SRRM4: variants seen among roughly 807,000 people sequenced by gnomAD.
The protein encoded by SRRM4 is serine/arginine repetitive matrix 4, also known as serine/arginine repetitive matrix protein 4.
A neutral mutation model predicts 68.9 loss-of-function variants in SRRM4; 33 were observed. That is an observed-to-expected ratio of 0.48 (90% CI 0.36 to 0.64). The LOEUF (loss-of-function observed/expected upper bound fraction) is 0.64. Ranked by LOEUF, SRRM4 falls within the 30% of genes least tolerant of loss-of-function variation. The pLI is 0.00. For missense variants in SRRM4, 817 were observed against 827.1 expected, an observed-to-expected ratio of 0.99 and a Z score of 0.15; for synonymous variants, 318 against 318.8, an observed-to-expected ratio of 1.00 and a Z score of 0.03.
At chr12:119,057,015 C>T in intron 1 of SRRM4, among the ~76,000 whole-genome samples, 1 of 152,108 alleles carries the variant, frequency 6.6e-6, no homozygotes, top group East Asian at 1.9e-4. Context: ...CAACATTACT[C>T]CCATTCAACA....
chr12:119,098,111 C>T (rs1281117196), intron 1 of SRRM4, among the ~76,000 whole-genome samples: 1 of 152,164 alleles, frequency 6.6e-6, no homozygotes, highest in Non-Finnish European at 1.5e-5. Context: ...AAGCCAGCCG[C>T]CATGTTGTGA....
chr12:119,043,363 G>A (rs1259088643), intron 1 of SRRM4, among the ~76,000 whole-genome samples: 1 of 151,866 alleles, frequency 6.6e-6, no homozygotes, highest in Non-Finnish European at 1.5e-5. Context: ...CACAGGGAGG[G>A]GAACAGGGGA....
At chr12:119,032,331 T>A (rs1953597362) in intron 1 of SRRM4, among the ~76,000 whole-genome samples, 1 of 152,150 alleles carries the variant, frequency 6.6e-6, no homozygotes. Flanking sequence ...CAGTAGTGAG[T>A]GTCTTTTTCA....
intron 1 of SRRM4, among the ~76,000 whole-genome samples, chr12:119,010,725 A>C (rs926353739): frequency 2.3e-4 from 35 of 152,240 alleles, no homozygotes; most frequent in African/African-American, 8.4e-4. Flanking sequence ...AGGTGAGTTC[A>C]AGAGTGTTTA....
At chr12:119,122,803 G>A (rs1370365486) in intron 6 of SRRM4, among the ~76,000 whole-genome samples, 5 of 152,134 alleles carry the variant, frequency 3.3e-5, no homozygotes, top group Non-Finnish European at 7.4e-5. Context: ...GGTCATGGGG[G>A]TGTGAGCACA....
intron 1 of SRRM4, among the ~76,000 whole-genome samples, chr12:119,080,090 G>A (rs1953939067): frequency 6.6e-6 from 1 of 151,990 alleles, no homozygotes; most frequent in Non-Finnish European, 1.5e-5. Context: ...GAAAACGTGG[G>A]GTGTCATCCT....
intron 1 of SRRM4, among the ~76,000 whole-genome samples, chr12:119,071,507 C>T (rs1953877578): frequency 6.6e-6 from 1 of 152,108 alleles, no homozygotes; most frequent in African/African-American, 2.4e-5. Context: ...AATTTTTTTG[C>T]AACATTTTAG....
chr12:119,084,982 C>T (rs577201557), intron 1 of SRRM4, among the ~76,000 whole-genome samples: 1 of 152,310 alleles, frequency 6.6e-6, no homozygotes, highest in African/African-American at 2.4e-5. Flanking sequence ...CTCACTGCAA[C>T]CTTCGCCTCC....
chr12:119,020,008 C>G (rs572466984), intron 1 of SRRM4, among the ~76,000 whole-genome samples: 1 of 140,620 alleles, frequency 7.1e-6, no homozygotes, highest in African/African-American at 2.6e-5. Flanking sequence ...GCTGCTTAAC[C>G]GTACAGCACC....
At chr12:119,044,993 C>T (rs1225804581) in intron 1 of SRRM4, among the ~76,000 whole-genome samples, 1 of 152,152 alleles carries the variant, frequency 6.6e-6, no homozygotes, top group Non-Finnish European at 1.5e-5. Flanking sequence ...TGAAATGCAG[C>T]TAATTCCTAC....
intron 2 of SRRM4, among the ~76,000 whole-genome samples, chr12:119,104,812 C>CTT (rs570610139): frequency 6.7e-6 from 1 of 148,704 alleles, no homozygotes; most frequent in Non-Finnish European, 1.5e-5. Context: ...TTAACCACTG[C>CTT]TTTTTTTTTT....
intron 2 of SRRM4, among the ~76,000 whole-genome samples, chr12:119,107,307 T>C (rs1186292518): frequency 6.6e-6 from 1 of 152,188 alleles, no homozygotes; most frequent in African/African-American, 2.4e-5. Context: ...CTGCCAGGCT[T>C]TGGTATCAGG....
intron 1 of SRRM4, among the ~76,000 whole-genome samples, chr12:119,015,514 C>G (rs879797528): frequency 6.6e-6 from 1 of 152,138 alleles, no homozygotes; most frequent in African/African-American, 2.4e-5. Flanking sequence ...CCCTACTTTC[C>G]TTCCTCTTTT....
chr12:119,114,316 C>T lies in SRRM4; in HGVS notation c.317C>T (p.Ser106Phe). ...HDKDLTPPPS[S>F]RGKKKKKKST... ...AAAGACTTGACACCACCACCTTCCTCCAGGGGAAAGAAGAAAAAGAAGAAA... is the reference window on the plus strand; with the variant it reads ...AAAGACTTGACACCACCACCTTCCTTCAGGGGAAAGAAGAAAAAGAAGAAA... Residue 106 changes from serine (S) to phenylalanine (F), a missense_variant, in exon 3 of 13, where the codon TCC becomes TTC. Ser to Phe is a radical substitution (Grantham distance 155). Coordinates refer to ENST00000267260, the MANE Select transcript of SRRM4 (RefSeq NM_194286.4). The T allele has an allele frequency of 6.2e-7, 1 of 1,612,340 alleles. No individual in the cohort carries two copies. Among genetic ancestry groups the T allele is most frequent in the Non-Finnish European group, 8.5e-7 (1 of 1,179,282 alleles).
intron 1 of SRRM4, among the ~76,000 whole-genome samples, chr12:119,029,943 C>T (rs1953577589): frequency 6.6e-6 from 1 of 152,088 alleles, no homozygotes; most frequent in African/African-American, 2.4e-5. Context: ...AGCTAATGGC[C>T]CATACCTGGG....
chr12:119,037,887 C>A (rs909696985), intron 1 of SRRM4, among the ~76,000 whole-genome samples: 21 of 152,206 alleles, frequency 1.4e-4, no homozygotes, highest in African/African-American at 4.8e-4. Flanking sequence ...ATTTCAGCTT[C>A]CTCAACTGTA....
chr12:119,007,548 T>C (rs1953423599), intron 1 of SRRM4, among the ~76,000 whole-genome samples: 1 of 152,208 alleles, frequency 6.6e-6, no homozygotes, highest in African/African-American at 2.4e-5. Flanking sequence ...CATCTCATCA[T>C]TTTTAATGCC....
At chr12:119,026,365 G>A (rs60995311) in intron 1 of SRRM4, among the ~76,000 whole-genome samples, 1,609 of 151,918 alleles carry the variant, frequency 0.011, 54 homozygotes, top group African/African-American at 0.036. Flanking sequence ...GAGGCAAAAT[G>A]CACAGAACTT....
chr12:118,981,823 G>T lies in SRRM4; in HGVS notation c.-60G>T, dbSNP rs2135985229. 6.4e-7 allele frequency: 1 copy of T among 1,569,168 alleles called. No individual in the cohort carries two copies. The highest frequency in any genetic ancestry group is 1.2e-5 in the South Asian group (1 of 83,924). On this transcript the variant is annotated 5_prime_UTR_variant, in exon 1 of 13. Transcript: ENST00000267260. ...GGGAGCTGGGTGTCGCCCCCGTTTG[G>T]AATCCACGTTTCAGCACTTTGGACA...
Sources: gnomAD v4.1 joint callset for allele counts (sites outside exome capture counted in the v4.1 genomes callset) on GRCh38, gnomAD v4.1.1 for gene constraint, MANE v1.5 for transcripts, NCBI Gene and HGNC (gene_info 2026-07-23, HGNC 2026-07-21) for gene names.